KIF16B: variants seen among roughly 807,000 people sequenced by gnomAD.
KIF16B encodes the protein kinesin family member 16B.
KIF16B carries 98 observed loss-of-function variants against 156.3 expected under a neutral mutation model. The observed-to-expected ratio is 0.63, with a 90% CI of 0.53 to 0.74. KIF16B has a LOEUF of 0.74. Among genes scored for constraint, KIF16B ranks in the 30% least tolerant of loss-of-function variants. KIF16B has a pLI of 0.00. For missense variants in KIF16B, 1,421 were observed against 1,606.5 expected, an observed-to-expected ratio of 0.88 and a Z score of 1.97; for synonymous variants, 564 against 583.7, an observed-to-expected ratio of 0.97 and a Z score of 0.49.
intron 25 of KIF16B, among the ~76,000 whole-genome samples, chr20:16,285,435 A>C (rs774516488): frequency 6.6e-6 from 1 of 152,132 alleles, no homozygotes; most frequent in African/African-American, 2.4e-5. Context: ...GTTTTCCCAA[A>C]TCTCCAGTGC....
chr20:16,356,755 T>C (rs891777733), intron 22 of KIF16B, among the ~76,000 whole-genome samples: 20 of 152,222 alleles, frequency 1.3e-4, no homozygotes, highest in African/African-American at 4.3e-4. Flanking sequence ...ACAAATTATA[T>C]TATCCTGACT....
In KIF16B at chr20:16,407,541, G is replaced by A. The variant is rs946779797; in HGVS notation, c.1613-1085C>T. Among the ~76,000 whole-genome samples, 12 of 152,092 alleles carry A rather than the reference G, an allele frequency of 7.9e-5. No homozygotes were observed. In the East Asian group the frequency reaches 1.7e-3, roughly 22 times the overall value. ...CCAAGGACCTAAGTTGGGTCTCACC[G>A]GATAACCAGAGGGCAAGAGGAAGTG... On this transcript the variant is annotated intron_variant, in intron 15 of 25. Coordinates refer to ENST00000354981, the MANE Select transcript of KIF16B (RefSeq NM_024704.5).
chr20:16,511,066 C>A (rs1213459635), intron 6 of KIF16B, among the ~76,000 whole-genome samples: 2 of 152,182 alleles, frequency 1.3e-5, no homozygotes, highest in Non-Finnish European at 2.9e-5. Context: ...TCTTTATTGT[C>A]ATATATCACC....
intron 12 of KIF16B, among the ~76,000 whole-genome samples, chr20:16,437,286 C>T (rs991418535): frequency 3.9e-5 from 6 of 152,186 alleles, no homozygotes; most frequent in African/African-American, 1.2e-4. Flanking sequence ...AGAACCTGCA[C>T]ATATGGAGGA....
intron 12 of KIF16B, among the ~76,000 whole-genome samples, chr20:16,463,586 G>A (rs1185863433): frequency 1.3e-5 from 2 of 152,056 alleles, no homozygotes; most frequent in African/African-American, 4.8e-5. Context: ...TGCACTTAAA[G>A]TCCATAATAT....
intron 25 of KIF16B, among the ~76,000 whole-genome samples, chr20:16,311,625 G>T (rs1433170262): frequency 2.0e-5 from 3 of 152,224 alleles, no homozygotes; most frequent in African/African-American, 7.2e-5. Context: ...GTTCACAATG[G>T]CAAGAGAGTG....
At chr20:16,554,029 T>C (rs115420010) in intron 1 of KIF16B, among the ~76,000 whole-genome samples, 14,538 of 152,252 alleles carry the variant, frequency 0.095, 782 homozygotes, top group East Asian at 0.29. Context: ...AGCGCCGGCC[T>C]GCAGGCACCC....
At chr20:16,291,179 C>T (rs1163503187) in intron 25 of KIF16B, among the ~76,000 whole-genome samples, 1 of 152,212 alleles carries the variant, frequency 6.6e-6, no homozygotes, top group East Asian at 1.9e-4. Flanking sequence ...GACCTTAATT[C>T]GAAAAATTTC....
chr20:16,379,196 G>C lies in KIF16B; in HGVS notation c.2806C>G (p.Leu936Val). Residue 936 changes from leucine to valine, a missense_variant, in exon 19 of 26, where the codon CTC (leucine) becomes GTC (valine). Transcript: ENST00000354981. The stretch of plus-strand genomic sequence containing the variant: ...TGATAAAGAGTGTTGTCTAAGCTGA[G>C]AGGGCCTCTGTCAAGAATTTCAAAT... ...RAFEILDRGP[L>V]SLDNTLYQVE... 2 of 1,614,146 alleles carry C rather than the reference G, an allele frequency of 1.2e-6. No individual in the cohort carries two copies. Among genetic ancestry groups the C allele is most frequent in the South Asian group, 2.2e-5 (2 of 91,072 alleles).
intron 1 of KIF16B, among the ~76,000 whole-genome samples, chr20:16,563,125 T>C (rs965871351): frequency 1.6e-4 from 24 of 152,342 alleles, no homozygotes; most frequent in South Asian, 1.4e-3. Context: ...TCCTATCTCA[T>C]GGACAGCAAC....
intron 23 of KIF16B, among the ~76,000 whole-genome samples, chr20:16,336,615 G>A (rs2064042374): frequency 6.6e-6 from 1 of 151,856 alleles, no homozygotes; most frequent in Admixed American, 6.6e-5. Context: ...ACCCAACTTG[G>A]CACATCTTTC....
intron 25 of KIF16B, among the ~76,000 whole-genome samples, chr20:16,284,978 A>G (rs1447032529): frequency 6.6e-6 from 1 of 152,206 alleles, no homozygotes; most frequent in Non-Finnish European, 1.5e-5. Context: ...ATCCCAGAGC[A>G]GCACCATCTT....
chr20:16,476,321 T>G (rs180972523), intron 12 of KIF16B, among the ~76,000 whole-genome samples: 3 of 152,352 alleles, frequency 2.0e-5, no homozygotes, highest in Admixed American at 6.5e-5. Context: ...ACTCCAATAT[T>G]TAAAATATCT....
At chr20:16,280,483 AG>A (rs745875068) in intron 25 of KIF16B, among the ~76,000 whole-genome samples, 13 of 152,384 alleles carry the variant, frequency 8.5e-5, no homozygotes, top group Admixed American at 7.2e-4. Context: ...CAGAATGCAG[AG>A]GGCCTTGAAT....
At chr20:16,444,446 T>G (rs1054462439) in intron 12 of KIF16B, among the ~76,000 whole-genome samples, 7 of 152,206 alleles carry the variant, frequency 4.6e-5, no homozygotes, top group Admixed American at 6.5e-5. Context: ...TCAATGCCCA[T>G]AAAGCTTTAT....
rs375149553 is a variant in KIF16B at position 16,275,723 on chromosome 20, C to T, written c.3796-2312G>A. 1.2e-4 allele frequency among the ~76,000 whole-genome samples: 18 copies of T among 152,274 alleles called. No individual in the cohort carries two copies. In the East Asian group the frequency reaches 2.7e-3, roughly 23 times the overall value. On this transcript the variant is annotated intron_variant, in intron 25 of 25. Coordinates refer to ENST00000354981, the MANE Select transcript of KIF16B (RefSeq NM_024704.5). ...GGTAAGAAGTTATGAAAATCAACTG[C>T]TGAAAAGTGAAGATCTTAATCTTAG...
rs552828583 is a variant in KIF16B, at chr20:16,460,287, C to T, written c.1303-30305G>A. 1.4e-4 allele frequency among the ~76,000 whole-genome samples: 22 copies of T among 152,240 alleles called. No individual in the cohort carries two copies. In the South Asian group the frequency reaches 1.9e-3, roughly 13 times the overall value. On this transcript the variant is annotated intron_variant, in intron 12 of 25. Coordinates refer to ENST00000354981, the MANE Select transcript of KIF16B (RefSeq NM_024704.5). ...CATATCTAAGCTTTAACAAAAACAC[C>T]ATGAGCACCCTGGCTGGGCACAGTG...
intron 1 of KIF16B, among the ~76,000 whole-genome samples, chr20:16,568,202 C>T (rs2071330326): frequency 6.6e-6 from 1 of 151,486 alleles, no homozygotes; most frequent in Admixed American, 6.6e-5. Flanking sequence ...AGACTTGATA[C>T]TAGATTCTAC....
intron 11 of KIF16B, 125 bp downstream of exon 11, chr20:16,497,488 C>T (rs1050289966): frequency 1.3e-4 from 90 of 707,866 alleles, no homozygotes; most frequent in South Asian, 6.6e-5. Context: ...TGATCACCAA[C>T]GAGGGAGGAG....
Sources: allele counts gnomAD v4.1 joint callset (sites outside exome capture counted in the v4.1 genomes callset), GRCh38; gene constraint gnomAD v4.1.1; transcripts MANE v1.5; gene names NCBI Gene and HGNC (gene_info 2026-07-23, HGNC 2026-07-21).